Variants in MELK observed in about 807,000 individuals in gnomAD.
The protein encoded by MELK is maternal embryonic leucine zipper kinase, also known as pEg3 kinase.
In MELK, 81 loss-of-function variants were observed where a neutral mutation model predicts 85.0. The ratio of observed to expected loss-of-function variants is 0.95; its 90% confidence interval spans 0.80 to 1.15. MELK has a LOEUF of 1.15. Ranked by LOEUF, MELK falls within the 50% of genes most tolerant of loss-of-function variation. MELK has a pLI of 0.00. For synonymous variants in MELK, 252 were observed against 265.0 expected, an observed-to-expected ratio of 0.95 and a Z score of 0.48; for missense variants, 754 against 777.5, an observed-to-expected ratio of 0.97 and a Z score of 0.36.
intron 10 of MELK, among the ~76,000 whole-genome samples, chr9:36,641,069 T>C (rs925461079): frequency 5.1e-4 from 78 of 152,262 alleles, no homozygotes; most frequent in African/African-American, 1.7e-3. Context: ...ACCTGGAGTG[T>C]GATCTAAAGA....
chr9:36,642,910 T>C, intron 10 of MELK, 87 bp from the exon 11 acceptor site: 1 of 917,148 alleles, frequency 1.1e-6, no homozygotes, highest in Non-Finnish European at 1.7e-6. Context: ...TTTGATTGTA[T>C]AAAGTAATTA....
At chr9:36,586,453 A>G (rs191576892) in intron 3 of MELK, among the ~76,000 whole-genome samples, 1 of 152,238 alleles carries the variant, frequency 6.6e-6, no homozygotes, top group African/African-American at 2.4e-5. Context: ...AATGACCAGT[A>G]TAAGAAATTA....
At chr9:36,640,775 A>C (rs1353844213) in intron 10 of MELK, among the ~76,000 whole-genome samples, 1 of 152,178 alleles carries the variant, frequency 6.6e-6, no homozygotes, top group East Asian at 1.9e-4. Context: ...TAAGTGTAAT[A>C]ACCCCATTTA....
chr9:36,637,082 T>G (rs1200118216), intron 10 of MELK, among the ~76,000 whole-genome samples: 1 of 151,398 alleles, frequency 6.6e-6, no homozygotes, highest in Non-Finnish European at 1.5e-5. Context: ...TCCGCCTGCC[T>G]CGGCCTCCCA....
chr9:36,653,139 T>TA (rs1297434428), intron 12 of MELK, among the ~76,000 whole-genome samples: 1 of 152,196 alleles, frequency 6.6e-6, no homozygotes, highest in Non-Finnish European at 1.5e-5. Flanking sequence ...TCATGGACTT[T>TA]AAAAAATTTT....
At chr9:36,648,948 A>G (rs1252252549) in intron 11 of MELK, among the ~76,000 whole-genome samples, 2 of 152,198 alleles carry the variant, frequency 1.3e-5, no homozygotes, top group Admixed American at 6.5e-5. Flanking sequence ...TGGGGAGAGG[A>G]AAGAAGAAAA....
intron 8 of MELK, among the ~76,000 whole-genome samples, chr9:36,619,085 A>G (rs1414943703): frequency 2.0e-5 from 3 of 151,834 alleles, no homozygotes; most frequent in Non-Finnish European, 4.4e-5. Context: ...CAGCCTCCCA[A>G]GTAGCTGGGA....
chr9:36,666,385 G>A (rs1832335563), intron 14 of MELK, among the ~76,000 whole-genome samples: 1 of 152,062 alleles, frequency 6.6e-6, no homozygotes, highest in Non-Finnish European at 1.5e-5. Context: ...TCTGTAGTAG[G>A]GGCCATACCT....
chr9:36,596,887 T>A (rs529934319), intron 5 of MELK, among the ~76,000 whole-genome samples: 1 of 152,352 alleles, frequency 6.6e-6, no homozygotes, highest in East Asian at 1.9e-4. Context: ...TGCCCAGCCC[T>A]TCTTTTCCCT....
At chr9:36,619,756 T>G (rs1827217077) in intron 8 of MELK, among the ~76,000 whole-genome samples, 1 of 152,240 alleles carries the variant, frequency 6.6e-6, no homozygotes, top group African/African-American at 2.4e-5. Flanking sequence ...TTGTGCTGAA[T>G]GAAATCTCTT....
At chr9:36,577,770 G>A (rs1821799286) in intron 1 of MELK, among the ~76,000 whole-genome samples, 1 of 152,114 alleles carries the variant, frequency 6.6e-6, no homozygotes, top group African/African-American at 2.4e-5. Context: ...TCCTGCCTCA[G>A]CCTCCCTAGT....
intron 13 of MELK, among the ~76,000 whole-genome samples, chr9:36,663,988 T>C (rs937953287): frequency 1.3e-5 from 2 of 152,262 alleles, no homozygotes; most frequent in African/African-American, 4.8e-5. Flanking sequence ...TTTTATTTCA[T>C]TTTCTGTTTC....
intron 3 of MELK, among the ~76,000 whole-genome samples, chr9:36,589,164 T>G (rs2135296559): frequency 6.6e-6 from 1 of 152,278 alleles, no homozygotes; most frequent in Non-Finnish European, 1.5e-5. Flanking sequence ...ATTTTTTTTT[T>G]TTGAAACAGA....
At chr9:36,635,155 T>C (rs1829002943) in intron 10 of MELK, among the ~76,000 whole-genome samples, 1 of 152,194 alleles carries the variant, frequency 6.6e-6, no homozygotes, top group Non-Finnish European at 1.5e-5. Flanking sequence ...TAATTGAAAC[T>C]GGCTTCTTTT....
At chr9:36,594,922 TA>T in intron 5 of MELK, 151 bp downstream of exon 5, 2 of 805,054 alleles carry the variant, frequency 2.5e-6, no homozygotes, top group Non-Finnish European at 3.5e-6. Context: ...TTTTTCCTCT[TA>T]CTTTTTTTTT....
At chr9:36,630,478 A>C in intron 9 of MELK, 111 bp downstream of exon 9, 7 of 830,690 alleles carry the variant, frequency 8.4e-6, no homozygotes, top group Non-Finnish European at 1.4e-5. Flanking sequence ...TCCCACTCAT[A>C]TCTACCTTGA....
At chr9:36,631,433 T>G (rs1213296051) in intron 9 of MELK, among the ~76,000 whole-genome samples, 3 of 152,070 alleles carry the variant, frequency 2.0e-5, no homozygotes, top group Admixed American at 2.0e-4. Context: ...TCCTGGCCAA[T>G]TTTTGTACTT....
intron 4 of MELK, among the ~76,000 whole-genome samples, chr9:36,593,257 T>C (rs1438331501): frequency 6.6e-6 from 1 of 151,826 alleles, no homozygotes; most frequent in Non-Finnish European, 1.5e-5. Context: ...TAGGTCTGAA[T>C]GCTGTTATTC....
chr9:36,659,219 T>C (rs1831557560), intron 13 of MELK, among the ~76,000 whole-genome samples: 1 of 152,150 alleles, frequency 6.6e-6, no homozygotes, highest in Non-Finnish European at 1.5e-5. Flanking sequence ...TTTCACCATA[T>C]TGGCCAGGCT....
Sources: allele counts gnomAD v4.1 joint callset (sites outside exome capture counted in the v4.1 genomes callset), GRCh38; gene constraint gnomAD v4.1.1; transcripts MANE v1.5; gene names NCBI Gene and HGNC (gene_info 2026-07-23, HGNC 2026-07-21).